Variants in PDZRN4 observed in about 807,000 individuals in gnomAD.
The protein encoded by PDZRN4 is PDZ domain-containing RING finger protein 4.
In PDZRN4, 70 loss-of-function variants were observed where a neutral mutation model predicts 99.0. The observed-to-expected ratio is 0.71, with a 90% CI of 0.58 to 0.86. PDZRN4 has a LOEUF of 0.86. PDZRN4 is among the 40% of genes least tolerant of loss of function. The probability of loss-of-function intolerance (pLI) is 0.00; values close to 1 mark genes in which losing one functional copy is unlikely to be tolerated. For missense variants in PDZRN4, 1,474 were observed against 1,331.2 expected, an observed-to-expected ratio of 1.11 and a Z score of -1.67; for synonymous variants, 551 against 501.6, an observed-to-expected ratio of 1.10 and a Z score of -1.32.
At chr12:41,295,604 T>C (rs1314272273) in intron 3 of PDZRN4, among the ~76,000 whole-genome samples, 2 of 152,104 alleles carry the variant, frequency 1.3e-5, no homozygotes, top group Non-Finnish European at 2.9e-5. Context: ...AAAAAGTTCT[T>C]GGAAAATCTG....
intron 3 of PDZRN4, chr12:41,412,367 G>T (rs959458315): frequency 1.2e-4 from 19 of 152,310 alleles, no homozygotes; most frequent in Admixed American, 7.8e-4. Flanking sequence ...TTTCAGGAAG[G>T]CTCCTGGGAA....
At chr12:41,301,683 C>CA (rs1018490543) in intron 3 of PDZRN4, among the ~76,000 whole-genome samples, 1 of 151,430 alleles carries the variant, frequency 6.6e-6, no homozygotes, top group Non-Finnish European at 1.5e-5. Flanking sequence ...TTCCAAACAA[C>CA]TTTTTTTTTC....
intron 3 of PDZRN4, among the ~76,000 whole-genome samples, chr12:41,248,847 C>T (rs75293334): frequency 0.033 from 4,962 of 151,940 alleles, 145 homozygotes; most frequent in East Asian, 0.12. Context: ...ATTTGCTTGG[C>T]GTAATGTAAT....
chr12:41,403,581 T>G (rs1423548976), intron 3 of PDZRN4, among the ~76,000 whole-genome samples: 1 of 152,134 alleles, frequency 6.6e-6, no homozygotes, highest in Non-Finnish European at 1.5e-5. Context: ...GTACTAGAAA[T>G]ACGCAGTTGG....
chr12:41,367,115 C>T (rs1361833537), intron 3 of PDZRN4, among the ~76,000 whole-genome samples: 1 of 152,080 alleles, frequency 6.6e-6, no homozygotes, highest in South Asian at 2.1e-4. Context: ...TGTGCAACAC[C>T]TTTGTGCCTT....
At chr12:41,348,120 A>C (rs770534424) in intron 3 of PDZRN4, among the ~76,000 whole-genome samples, 5 of 152,158 alleles carry the variant, frequency 3.3e-5, no homozygotes, top group Non-Finnish European at 5.9e-5. Flanking sequence ...TTTTATCTTA[A>C]ATTAAAAATA....
chr12:41,371,593 A>G (rs1186822579), intron 3 of PDZRN4, among the ~76,000 whole-genome samples: 1 of 152,108 alleles, frequency 6.6e-6, no homozygotes, highest in Non-Finnish European at 1.5e-5. Flanking sequence ...CAAATAAAAG[A>G]GTCTGTAACT....
intron 3 of PDZRN4, among the ~76,000 whole-genome samples, chr12:41,264,853 C>G (rs774407922): frequency 6.6e-6 from 1 of 152,014 alleles, no homozygotes; most frequent in Non-Finnish European, 1.5e-5. Context: ...AACGCTGAAA[C>G]AGAAAATCAA....
chr12:41,196,740 GT>G (rs1295794241), intron 3 of PDZRN4, among the ~76,000 whole-genome samples: 5 of 151,968 alleles, frequency 3.3e-5, no homozygotes, highest in Non-Finnish European at 7.4e-5. Flanking sequence ...ACTTTAAGCA[GT>G]TTTTAGCTAA....
At chr12:41,327,897 C>A (rs776480476) in intron 3 of PDZRN4, among the ~76,000 whole-genome samples, 1 of 152,092 alleles carries the variant, frequency 6.6e-6, no homozygotes, top group African/African-American at 2.4e-5. Context: ...GTCCTCTACA[C>A]ATACTTATGC....
chr12:41,492,296 G>A (rs1056552690), intron 3 of PDZRN4, among the ~76,000 whole-genome samples: 1 of 152,078 alleles, frequency 6.6e-6, no homozygotes, highest in Non-Finnish European at 1.5e-5. Context: ...AGAAGACAAG[G>A]AGAAGAAAGA....
At chr12:41,247,181 A>T (rs1287054781) in intron 3 of PDZRN4, among the ~76,000 whole-genome samples, 1 of 152,206 alleles carries the variant, frequency 6.6e-6, no homozygotes, top group Non-Finnish European at 1.5e-5. Flanking sequence ...ACATAAGTAA[A>T]AATGTTTAGA....
chr12:41,403,159 G>A (rs767242328), intron 3 of PDZRN4, among the ~76,000 whole-genome samples: 1 of 152,058 alleles, frequency 6.6e-6, no homozygotes, highest in Non-Finnish European at 1.5e-5. Flanking sequence ...ACCATCCAGC[G>A]ATGTGATGAG....
chr12:41,254,037 G>A (rs950073462), intron 3 of PDZRN4, among the ~76,000 whole-genome samples: 67 of 3,632 alleles, frequency 0.018, 1 homozygote, highest in African/African-American at 0.028. Context: ...GTGTGTGCGT[G>A]TGTGTGTGTG....
chr12:41,464,098 G>A (rs1161644781), intron 3 of PDZRN4, among the ~76,000 whole-genome samples: 2 of 152,148 alleles, frequency 1.3e-5, no homozygotes, highest in Non-Finnish European at 2.9e-5. Context: ...ACCTCCAGAA[G>A]TGGCTGCTTT....
At chr12:41,432,781 G>A (rs1952595821) in intron 3 of PDZRN4, among the ~76,000 whole-genome samples, 1 of 152,170 alleles carries the variant, frequency 6.6e-6, no homozygotes, top group South Asian at 2.1e-4. Flanking sequence ...TGGACAATTG[G>A]GTGGATAGTT....
intron 2 of PDZRN4, among the ~76,000 whole-genome samples, chr12:41,193,541 C>T (rs1950750726): frequency 1.3e-5 from 2 of 152,142 alleles, no homozygotes; most frequent in Admixed American, 1.3e-4. Context: ...GGTTCCCTTG[C>T]AGTTTAGATG....
At chr12:41,434,432 A>T (rs1182094436) in intron 3 of PDZRN4, among the ~76,000 whole-genome samples, 1 of 152,210 alleles carries the variant, frequency 6.6e-6, no homozygotes, top group Non-Finnish European at 1.5e-5. Flanking sequence ...CAGTACTTAG[A>T]TCCTTGAATG....
At chr12:41,552,334 A>G (rs1939072481) in intron 5 of PDZRN4, among the ~76,000 whole-genome samples, 2 of 152,132 alleles carry the variant, frequency 1.3e-5, no homozygotes, top group Non-Finnish European at 2.9e-5. Context: ...TATTTTATTG[A>G]TTCCAGTGTA....
Sources: gnomAD v4.1 joint callset for allele counts (sites outside exome capture counted in the v4.1 genomes callset) on GRCh38, gnomAD v4.1.1 for gene constraint, MANE v1.5 for transcripts, NCBI Gene and HGNC (gene_info 2026-07-23, HGNC 2026-07-21) for gene names.